Variants in SBF2 observed in about 807,000 individuals in gnomAD.
SBF2 encodes myotubularin-related protein 13.
Under a neutral mutation model 225.2 loss-of-function variants are expected in SBF2, and 112 were observed. That is an observed-to-expected ratio of 0.50 (90% CI 0.43 to 0.58). The LOEUF (loss-of-function observed/expected upper bound fraction) is 0.58. Among genes scored for constraint, SBF2 ranks in the 20% least tolerant of loss-of-function variants. The pLI is 0.00. For synonymous variants in SBF2, 763 were observed against 773.3 expected (o/e 0.99, Z 0.22); for missense variants, 1,996 against 2,206.2 (o/e 0.90, Z 1.91).
intron 2 of SBF2, among the ~76,000 whole-genome samples, chr11:10,097,460 C>A (rs1160087021): frequency 1.3e-5 from 2 of 152,110 alleles, no homozygotes; most frequent in Non-Finnish European, 2.9e-5. Flanking sequence ...CAGGCAAGTG[C>A]CTGTCTATTC....
intron 29 of SBF2, 66 bp from the exon 30 acceptor site, chr11:9,812,774 TG>T: frequency 6.5e-7 from 1 of 1,527,524 alleles, no homozygotes; most frequent in South Asian, 1.1e-5. Context: ...ATGTTTCCAA[TG>T]GGGCAGTGCA....
In SBF2 at chr11:9,877,859, G is replaced by A. The variant is rs577321010; in HGVS notation, c.1929+18084C>T. Among the ~76,000 whole-genome samples the A allele has an allele frequency of 3.3e-5, 5 of 152,136 alleles. No individual in the cohort carries two copies. The East Asian group carries it at 7.7e-4, about 23-fold the overall frequency. ...GTGTATAGTGCCACAATAAATTTAC[G>A]TGTGCATGTGTCTTTATAGCAGCAT... On this transcript the variant is annotated intron_variant, in intron 17 of 39. Transcript: ENST00000256190.
At chr11:9,956,080 T>G (rs1476631819) in intron 16 of SBF2, among the ~76,000 whole-genome samples, 1 of 152,180 alleles carries the variant, frequency 6.6e-6, no homozygotes, top group Non-Finnish European at 1.5e-5. Context: ...AAGATTCATC[T>G]ACATCATCCT....
intron 1 of SBF2, among the ~76,000 whole-genome samples, chr11:10,214,361 C>T (rs1472216988): frequency 5.9e-5 from 9 of 152,186 alleles, no homozygotes; most frequent in Admixed American, 4.6e-4. Context: ...CGGTGGCTCA[C>T]GCCTATAATC....
At chr11:10,040,979 T>C (rs887488598) in intron 3 of SBF2, among the ~76,000 whole-genome samples, 1 of 152,088 alleles carries the variant, frequency 6.6e-6, no homozygotes, top group African/African-American at 2.4e-5. Context: ...TTTATAAACA[T>C]CTGCCATTAA....
intron 16 of SBF2, among the ~76,000 whole-genome samples, chr11:9,940,404 C>CA (rs199898311): frequency 6.6e-6 from 1 of 151,118 alleles, no homozygotes; most frequent in Non-Finnish European, 1.5e-5. Flanking sequence ...GACTCTGCCT[C>CA]AAAAAAAAAT....
chr11:10,065,023 C>A (rs1297902128), intron 2 of SBF2, among the ~76,000 whole-genome samples: 1 of 151,954 alleles, frequency 6.6e-6, no homozygotes. Flanking sequence ...ATATACTGGG[C>A]CACTAAGTAA....
intron 2 of SBF2, among the ~76,000 whole-genome samples, chr11:10,071,867 G>A (rs1449755472): frequency 3.3e-5 from 5 of 152,158 alleles, no homozygotes; most frequent in Non-Finnish European, 5.9e-5. Context: ...TGGTGGATAA[G>A]CTTTTTGATG....
In SBF2 at chr11:9,953,678, T is replaced by C. The variant is rs116870881; in HGVS notation, c.1860+8279A>G. 8.2e-3 allele frequency among the ~76,000 whole-genome samples: 1,256 copies of C among 152,288 alleles called. 6 individuals are homozygous for C. Among genetic ancestry groups the C allele is most frequent in the African/African-American group, 0.018 (749 of 41,560 alleles). Reference sequence around the variant, plus strand: ...GCCAAGGGTGTACTCACAAATCTGATTGTCCCAACTGTTAACTGCTCAGGG... The same window carrying C: ...GCCAAGGGTGTACTCACAAATCTGACTGTCCCAACTGTTAACTGCTCAGGG... On this transcript the variant is annotated intron_variant, in intron 16 of 39. Coordinates refer to ENST00000256190, the MANE Select transcript of SBF2 (RefSeq NM_030962.4).
At chr11:9,814,678 G>A (rs1228728299) in intron 29 of SBF2, among the ~76,000 whole-genome samples, 2 of 152,114 alleles carry the variant, frequency 1.3e-5, no homozygotes, top group Admixed American at 6.6e-5. Context: ...ATAACCTAGC[G>A]ATATACATGA....
chr11:10,199,201 G>A (rs2135347970), intron 1 of SBF2, among the ~76,000 whole-genome samples: 1 of 152,240 alleles, frequency 6.6e-6, no homozygotes, highest in Admixed American at 6.5e-5. Context: ...GTGCCTCAAG[G>A]AATAGAGAGG....
intron 25 of SBF2, among the ~76,000 whole-genome samples, chr11:9,841,547 T>C (rs77509739): frequency 6.6e-6 from 1 of 152,042 alleles, no homozygotes; most frequent in South Asian, 2.1e-4. Context: ...TTTTTTTTTT[T>C]TGAGGCAGAG....
At chr11:9,897,158 C>A (rs1158849936) in intron 16 of SBF2, among the ~76,000 whole-genome samples, 2 of 152,068 alleles carry the variant, frequency 1.3e-5, no homozygotes, top group Admixed American at 1.3e-4. Flanking sequence ...ATGCGGTATA[C>A]AAGCACACAC....
At chr11:10,013,192 A>T (rs1227496212) in intron 6 of SBF2, among the ~76,000 whole-genome samples, 1 of 152,172 alleles carries the variant, frequency 6.6e-6, no homozygotes, top group African/African-American at 2.4e-5. Flanking sequence ...AGCCCCAACT[A>T]TGACTGTAAT....
In SBF2 at chr11:10,067,948, T is replaced by C. The variant is rs149883590; in HGVS notation, c.142-24967A>G. ...AAAACAAAACACAGAAACCCACACA[T>C]AGAAGGACAACTGATCCCTTTCCAT... On this transcript the variant is annotated intron_variant, in intron 2 of 39. Transcript: ENST00000256190. 2.7e-4 allele frequency among the ~76,000 whole-genome samples: 41 copies of C among 152,162 alleles called. 2 individuals carry two copies. The East Asian group carries it at 7.9e-3, about 29-fold the overall frequency.
intron 17 of SBF2, among the ~76,000 whole-genome samples, chr11:9,895,258 T>C (rs1861151707): frequency 6.6e-6 from 1 of 152,224 alleles, no homozygotes; most frequent in Admixed American, 6.5e-5. Flanking sequence ...TGTAGCTGAA[T>C]AGTAAGTCAG....
intron 25 of SBF2, among the ~76,000 whole-genome samples, chr11:9,841,512 T>C (rs1856139500): frequency 6.7e-6 from 1 of 148,208 alleles, no homozygotes; most frequent in African/African-American, 2.5e-5. Flanking sequence ...CATGCATACA[T>C]ACATACAAAA....
At chr11:10,265,840 C>T (rs1203215590) in intron 1 of SBF2, among the ~76,000 whole-genome samples, 2 of 151,500 alleles carry the variant, frequency 1.3e-5, no homozygotes, top group African/African-American at 2.4e-5. Flanking sequence ...CAGGTGCACA[C>T]CACCAGGCCA....
intron 16 of SBF2, among the ~76,000 whole-genome samples, chr11:9,929,645 C>T (rs1412954572): frequency 2.0e-5 from 3 of 152,162 alleles, no homozygotes; most frequent in African/African-American, 7.2e-5. Context: ...CATGACAATG[C>T]ATGTCACACA....
Sources: gnomAD v4.1 joint callset for allele counts (sites outside exome capture counted in the v4.1 genomes callset) on GRCh38, gnomAD v4.1.1 for gene constraint, MANE v1.5 for transcripts, NCBI Gene and HGNC (gene_info 2026-07-23, HGNC 2026-07-21) for gene names.